The following LRRTM4 variants were observed in gnomAD, a reference collection of about 807,000 sequenced individuals.
LRRTM4 encodes leucine-rich repeat transmembrane neuronal protein 4.
LRRTM4 carries 25 observed loss-of-function variants against 47.6 expected under a neutral mutation model. The observed-to-expected ratio is 0.53, with a 90% CI of 0.38 to 0.73. The LOEUF (loss-of-function observed/expected upper bound fraction) is 0.73, where lower values mean the gene tolerates loss of function less well. LRRTM4 is among the 30% of genes least tolerant of loss of function. The pLI is 0.00. For missense variants in LRRTM4, 638 were observed against 713.4 expected (o/e 0.89, Z 1.20); for synonymous variants, 311 against 269.5 (o/e 1.15, Z -1.51).
At chr2:77,492,385 G>A (rs746441957) in intron 3 of LRRTM4, among the ~76,000 whole-genome samples, 1 of 152,090 alleles carries the variant, frequency 6.6e-6, no homozygotes, top group African/African-American at 2.4e-5. Context: ...TTAGCCTCTA[G>A]AGTATCTGGA....
chr2:77,243,528 G>A (rs897333213), intron 3 of LRRTM4, among the ~76,000 whole-genome samples: 1 of 151,974 alleles, frequency 6.6e-6, no homozygotes, highest in Admixed American at 6.6e-5. Flanking sequence ...GTGGTTTCCG[G>A]CATCTGGGGG....
At chr2:76,815,065 T>C (rs1428896944) in intron 3 of LRRTM4, among the ~76,000 whole-genome samples, 2 of 151,996 alleles carry the variant, frequency 1.3e-5, no homozygotes, top group African/African-American at 4.8e-5. Flanking sequence ...ACTGTGCTTG[T>C]TCTAAAAATG....
chr2:76,782,371 C>A (rs1674446088), intron 3 of LRRTM4, among the ~76,000 whole-genome samples: 1 of 152,148 alleles, frequency 6.6e-6, no homozygotes, highest in Admixed American at 6.5e-5. Context: ...CTTTTCTTTG[C>A]TTGGGAGAAG....
chr2:76,916,413 GA>G (rs1329508976), intron 3 of LRRTM4, among the ~76,000 whole-genome samples: 55 of 124,074 alleles, frequency 4.4e-4, no homozygotes, highest in Non-Finnish European at 7.9e-4. Context: ...AAAAAGAAAA[GA>G]AAAAAAATAT....
At chr2:77,152,488 C>T (rs576710272) in intron 3 of LRRTM4, among the ~76,000 whole-genome samples, 53 of 152,146 alleles carry the variant, frequency 3.5e-4, no homozygotes, top group African/African-American at 1.2e-3. Flanking sequence ...GCCACCACGC[C>T]GGGCTAATTT....
At chr2:77,179,082 T>C (rs1673278844) in intron 3 of LRRTM4, among the ~76,000 whole-genome samples, 2 of 152,184 alleles carry the variant, frequency 1.3e-5, no homozygotes, top group African/African-American at 4.8e-5. Context: ...TTTTGCGTAA[T>C]ACAAAATGTT....
intron 3 of LRRTM4, among the ~76,000 whole-genome samples, chr2:77,056,676 A>G (rs1019414803): frequency 6.6e-6 from 1 of 152,228 alleles, no homozygotes; most frequent in African/African-American, 2.4e-5. Context: ...ATTGTGTATC[A>G]GTAAGAAATT....
At chr2:77,197,298 A>G (rs1036326727) in intron 3 of LRRTM4, among the ~76,000 whole-genome samples, 4 of 152,190 alleles carry the variant, frequency 2.6e-5, no homozygotes, top group Non-Finnish European at 4.4e-5. Context: ...CATGCAGGAA[A>G]TATGAAGGTT....
intron 3 of LRRTM4, among the ~76,000 whole-genome samples, chr2:76,960,140 C>T (rs1675805968): frequency 6.6e-6 from 1 of 151,462 alleles, no homozygotes; most frequent in Non-Finnish European, 1.5e-5. Context: ...AATTACCAAA[C>T]AGTACAGAAC....
intron 3 of LRRTM4, among the ~76,000 whole-genome samples, chr2:77,152,361 C>T (rs1388841524): frequency 6.6e-6 from 1 of 151,996 alleles, no homozygotes; most frequent in Non-Finnish European, 1.5e-5. Context: ...TGGAGTCTCG[C>T]TGTGTTGCCC....
At chr2:76,904,952 A>ATGGGTGAT (rs1283044915) in intron 3 of LRRTM4, among the ~76,000 whole-genome samples, 1 of 152,198 alleles carries the variant, frequency 6.6e-6, no homozygotes, top group Non-Finnish European at 1.5e-5. Flanking sequence ...GACGCAGAAG[A>ATGGGTGAT]TGGGTGATTT....
At chr2:77,002,987 G>A (rs759819809) in intron 3 of LRRTM4, among the ~76,000 whole-genome samples, 2 of 142,754 alleles carry the variant, frequency 1.4e-5, no homozygotes, top group Admixed American at 1.3e-4. Flanking sequence ...GAACTTATTT[G>A]TCTTGTCAAC....
chr2:77,113,857 A>C (rs1411438204), intron 3 of LRRTM4, among the ~76,000 whole-genome samples: 1 of 152,110 alleles, frequency 6.6e-6, no homozygotes, highest in African/African-American at 2.4e-5. Flanking sequence ...TCCAGAGGCA[A>C]ATGCTGCAAA....
intron 3 of LRRTM4, among the ~76,000 whole-genome samples, chr2:77,448,819 G>C (rs1241671840): frequency 6.6e-6 from 1 of 152,134 alleles, no homozygotes; most frequent in South Asian, 2.1e-4. Flanking sequence ...ACAAAGTTAA[G>C]AATGCATTTT....
At chr2:77,383,035 G>A (rs1029103985) in intron 3 of LRRTM4, among the ~76,000 whole-genome samples, 1 of 151,872 alleles carries the variant, frequency 6.6e-6, no homozygotes, top group Non-Finnish European at 1.5e-5. Context: ...AGTTTCTCAT[G>A]TTATTGCTAA....
intron 3 of LRRTM4, among the ~76,000 whole-genome samples, chr2:76,995,013 G>A (rs900988260): frequency 2.0e-5 from 3 of 151,938 alleles, no homozygotes; most frequent in African/African-American, 7.2e-5. Context: ...AGACCTCAGA[G>A]TTGAATCTGA....
chr2:77,451,596 T>C (rs931578046), intron 3 of LRRTM4, among the ~76,000 whole-genome samples: 1 of 152,238 alleles, frequency 6.6e-6, no homozygotes, highest in Non-Finnish European at 1.5e-5. Flanking sequence ...ACTATACTTG[T>C]AATTCTCTTA....
chr2:76,942,674 A>ATGTGTGTGTGTGTGTGTGTGTGTGTGTG (rs750604219), intron 3 of LRRTM4, among the ~76,000 whole-genome samples: 19 of 123,340 alleles, frequency 1.5e-4, no homozygotes, highest in African/African-American at 4.8e-4. Flanking sequence ...ACCTCTAGGA[A>ATGTGTGTGTGTGTGTGTGTGTGTGTGTG]TCTGTGTGTG....
At chr2:77,227,124 G>C (rs1244607547) in intron 3 of LRRTM4, among the ~76,000 whole-genome samples, 1 of 151,944 alleles carries the variant, frequency 6.6e-6, no homozygotes, top group African/African-American at 2.4e-5. Context: ...CATGACTATG[G>C]AGCAATATCT....
Sources: gnomAD v4.1 joint callset for allele counts (sites outside exome capture counted in the v4.1 genomes callset) on GRCh38, gnomAD v4.1.1 for gene constraint, MANE v1.5 for transcripts, NCBI Gene and HGNC (gene_info 2026-07-23, HGNC 2026-07-21) for gene names.